The following RDH12 variants were observed in gnomAD, a reference collection of about 807,000 sequenced individuals.
RDH12 encodes the protein all-trans and 9-cis retinol dehydrogenase.
RDH12 carries 21 observed loss-of-function variants against 34.0 expected under a neutral mutation model. That is an observed-to-expected ratio of 0.62 (90% CI 0.44 to 0.89). The LOEUF (loss-of-function observed/expected upper bound fraction) is 0.89, where lower values mean the gene tolerates loss of function less well. RDH12 is among the 40% of genes least tolerant of loss of function. The pLI is 0.00. For missense variants in RDH12, 394 were observed against 398.6 expected, an observed-to-expected ratio of 0.99 and a Z score of 0.10; for synonymous variants, 198 against 169.9, an observed-to-expected ratio of 1.17 and a Z score of -1.29.
chr14:67,715,970 C>A lies in RDH12; in HGVS notation c.-274-4878C>A, dbSNP rs540274334. Reference sequence around the variant, plus strand: ...CAGCACTTTGGGAGGCCGAGGCGGGCGGATCACGAGGTCAAGAGATAGAGA... The same window carrying A: ...CAGCACTTTGGGAGGCCGAGGCGGGAGGATCACGAGGTCAAGAGATAGAGA... On this transcript the variant is annotated intron_variant, in intron 1 of 8. Coordinates refer to ENST00000551171, the MANE Select transcript of RDH12 (RefSeq NM_152443.3). Among the ~76,000 whole-genome samples the A allele has an allele frequency of 4.6e-5, 7 of 152,098 alleles. No individual in the cohort carries two copies. In the East Asian group the frequency reaches 1.4e-3, roughly 29 times the overall value.
chr14:67,725,232 CT>C lies in RDH12; in HGVS notation c.324del (p.Phe108LeufsTer15). 1 of 1,613,588 alleles carries C rather than the reference CT, an allele frequency of 6.2e-7. No individual in the cohort carries two copies. The highest frequency in any genetic ancestry group is 8.5e-7 in the Non-Finnish European group (1 of 1,180,032). On this transcript the variant is annotated frameshift_variant, in exon 5 of 9. Coordinates refer to ENST00000551171, the MANE Select transcript of RDH12 (RefSeq NM_152443.3). LOFTEE classifies it high-confidence loss of function. The part of the protein sequence containing the change: ...DLSDTKSIRA[F>X]AEGFLAEEKQ... ...TATCCGACACCAAATCTATCCGAGC[CT>C]TTGCTGAGGGCTTTCTGGCAGGTGA...
intron 1 of RDH12, among the ~76,000 whole-genome samples, chr14:67,720,586 A>G (rs967276913): frequency 6.6e-6 from 1 of 152,146 alleles, no homozygotes; most frequent in African/African-American, 2.4e-5. Flanking sequence ...TGTCCCTTCC[A>G]CTGATTTGAA....
chr14:67,729,211 G>A lies in RDH12; in HGVS notation c.679G>A (p.Ala227Thr). The change falls in exon 8 of 9, where the codon GCA becomes ACA. Residue 227 changes from alanine (A) to threonine (T), a missense_variant. Ala to Thr is a moderately conservative substitution (Grantham distance 58). Coordinates refer to ENST00000551171, the MANE Select transcript of RDH12 (RefSeq NM_152443.3). Reference protein sequence around the residue: ...RLQGTGVTTYAVHPGVVRSEL... With the variant: ...RLQGTGVTTYTVHPGVVRSEL... ...CCCAGGCACCGGGGTCACCACCTAC[G>A]CAGTGCACCCAGGCGTCGTCCGCTC... 4 of 1,612,522 alleles carry A rather than the reference G, an allele frequency of 2.5e-6. No homozygotes were observed. Among genetic ancestry groups the A allele is most frequent in the Non-Finnish European group, 3.4e-6 (4 of 1,180,000 alleles).
At chr14:67,707,004 G>T (rs2037957613) in intron 1 of RDH12, among the ~76,000 whole-genome samples, 1 of 152,148 alleles carries the variant, frequency 6.6e-6, no homozygotes, top group Non-Finnish European at 1.5e-5. Context: ...ATTGATATAG[G>T]CCACATTACT....
intron 1 of RDH12, among the ~76,000 whole-genome samples, chr14:67,712,008 C>A (rs1477841831): frequency 1.3e-5 from 2 of 152,180 alleles, no homozygotes; most frequent in African/African-American, 2.4e-5. Context: ...CAACCTCCTC[C>A]TCCCAGGTTC....
chr14:67,704,075 A>G (rs993954097), intron 1 of RDH12, among the ~76,000 whole-genome samples: 9 of 152,090 alleles, frequency 5.9e-5, no homozygotes, highest in African/African-American at 2.2e-4. Context: ...CAGTAGTTCT[A>G]TTTTCATTCT....
At chr14:67,703,014 C>G (rs1377670552) in intron 1 of RDH12, among the ~76,000 whole-genome samples, 1 of 151,992 alleles carries the variant, frequency 6.6e-6, no homozygotes, top group Non-Finnish European at 1.5e-5. Flanking sequence ...GAGTCAGAGT[C>G]TCACTATGTT....
chr14:67,708,568 A>C (rs1594859061), intron 1 of RDH12, among the ~76,000 whole-genome samples: 1 of 152,308 alleles, frequency 6.6e-6, no homozygotes, highest in South Asian at 2.1e-4. Context: ...GGCATATGAT[A>C]ATTTAACATA....
chr14:67,729,257 C>T lies in RDH12; in HGVS notation c.725C>T (p.Ser242Phe). 5 of 1,608,970 alleles carry T rather than the reference C, an allele frequency of 3.1e-6. No homozygotes were observed. Among genetic ancestry groups the T allele is most frequent in the Non-Finnish European group, 4.2e-6 (5 of 1,179,984 alleles). ...CGCTCTGAGCTGGTCCGGCACTCCTCCCTGCTCTGCCTGCTCTGGCGGCTC... is the reference window on the plus strand; with the variant it reads ...CGCTCTGAGCTGGTCCGGCACTCCTTCCTGCTCTGCCTGCTCTGGCGGCTC... ...VVRSELVRHS[S>F]LLCLLWRLFS... Residue 242 changes from serine to phenylalanine, a missense_variant, in exon 8 of 9, where the codon TCC becomes TTC. Coordinates refer to ENST00000551171, the MANE Select transcript of RDH12 (RefSeq NM_152443.3).
At chr14:67,715,565 A>T (rs1409316905) in intron 1 of RDH12, among the ~76,000 whole-genome samples, 1 of 152,146 alleles carries the variant, frequency 6.6e-6, no homozygotes, top group Non-Finnish European at 1.5e-5. Flanking sequence ...TCTTTTATTT[A>T]AAAAAATTTC....
chr14:67,725,368 G>A (rs1280089332), intron 5 of RDH12, 114 bp downstream of exon 5: 13 of 1,101,636 alleles, frequency 1.2e-5, no homozygotes, highest in Non-Finnish European at 1.6e-5. Context: ...CACTAGACAG[G>A]TTCTGCCACA....
intron 8 of RDH12, chr14:67,729,782 T>C: frequency 2.0e-6 from 1 of 501,618 alleles, no homozygotes; most frequent in Non-Finnish European, 4.0e-6. Flanking sequence ...CTCTTCGGTG[T>C]GAACTCTGTC....
intron 2 of RDH12, among the ~76,000 whole-genome samples, chr14:67,721,689 C>G (rs1054731219): frequency 6.6e-6 from 1 of 151,528 alleles, no homozygotes; most frequent in Non-Finnish European, 1.5e-5. Context: ...TAGCATATGC[C>G]AGTTTCGTTT....
chr14:67,725,922 A>G, intron 5 of RDH12, 129 bp from the exon 6 acceptor site: 1 of 755,852 alleles, frequency 1.3e-6, no homozygotes, highest in South Asian at 1.4e-5. Flanking sequence ...AGAGCAAGTG[A>G]CTCCTATCAA....
intron 1 of RDH12, among the ~76,000 whole-genome samples, chr14:67,715,845 T>C (rs554599986): frequency 6.6e-6 from 1 of 152,216 alleles, no homozygotes; most frequent in Non-Finnish European, 1.5e-5. Context: ...CTTGGTTCCA[T>C]GTGCTGGGGG....
At chr14:67,724,688 T>A in intron 4 of RDH12, 97 bp downstream of exon 4, 1 of 949,790 alleles carries the variant, frequency 1.1e-6, no homozygotes, top group Non-Finnish European at 1.7e-6. Flanking sequence ...CTCCTAGGCT[T>A]GGGGGCTCTG....
intron 1 of RDH12, among the ~76,000 whole-genome samples, chr14:67,719,395 T>C (rs1436239336): frequency 6.6e-6 from 1 of 152,218 alleles, no homozygotes; most frequent in Admixed American, 6.5e-5. Flanking sequence ...TTAAGACCTT[T>C]TCCAAGCAGT....
intron 4 of RDH12, 44 bp from the exon 5 acceptor site, chr14:67,725,055 G>A (rs1253903142): frequency 5.2e-5 from 83 of 1,609,920 alleles, no homozygotes; most frequent in Non-Finnish European, 6.8e-5. Context: ...CTCCTTTATA[G>A]CCTAGGATAT....
intron 2 of RDH12, among the ~76,000 whole-genome samples, chr14:67,721,615 T>G (rs973950279): frequency 6.6e-6 from 1 of 151,880 alleles, no homozygotes; most frequent in East Asian, 1.9e-4. Context: ...GTAAAGCAAG[T>G]GAGATAGCAA....
Sources: gnomAD v4.1 joint callset for allele counts (sites outside exome capture counted in the v4.1 genomes callset) on GRCh38, gnomAD v4.1.1 for gene constraint, MANE v1.5 for transcripts, NCBI Gene and HGNC (gene_info 2026-07-23, HGNC 2026-07-21) for gene names.